Variants in KIF5C observed in about 807,000 individuals in gnomAD.
KIF5C encodes kinesin heavy chain isoform 5C.
Under a neutral mutation model 125.2 loss-of-function variants are expected in KIF5C, and 18 were observed. The ratio of observed to expected loss-of-function variants is 0.14; its 90% CI spans 0.10 to 0.21. KIF5C has a LOEUF of 0.21. Among genes scored for constraint, KIF5C ranks in the 10% least tolerant of loss-of-function variants. KIF5C has a pLI of 1.00. For synonymous variants in KIF5C, 405 were observed against 434.0 expected, an observed-to-expected ratio of 0.93 and a Z score of 0.83; for missense variants, 780 against 1,183.8, an observed-to-expected ratio of 0.66 and a Z score of 5.01.
intron 8 of KIF5C, 52 bp downstream of exon 8, chr2:148,947,075 C>A (rs967694246): frequency 3.2e-5 from 50 of 1,552,572 alleles, no homozygotes; most frequent in Non-Finnish European, 4.3e-5. Flanking sequence ...TTATTTGCTT[C>A]ATTGTGCAAT....
chr2:148,922,201 A>G lies in KIF5C; in HGVS notation c.191A>G (p.Asn64Ser), dbSNP rs765671059. Residue 64 changes from asparagine to serine, a missense_variant, in exon 2 of 26, where the codon AAT (asparagine) becomes AGT (serine). Physicochemically the swap from Asn to Ser is conservative, Grantham distance 46. Around this residue, in one of 2 missense-constraint regions of KIF5C, gnomAD observed 207 missense variants for 441.2 expected, o/e 0.47. Coordinates refer to ENST00000435030, the MANE Select transcript of KIF5C (RefSeq NM_004522.3). Reference protein sequence around the residue: ...PPNTTQEQVYNACAKQIVKDV... With the variant: ...PPNTTQEQVYSACAKQIVKDV... ...AACACGACCCAAGAGCAGGTTTACA[A>G]TGCATGTGCGAAGCAAATTGTCAAA... The G allele has an allele frequency of 6.2e-6, 10 of 1,612,796 alleles. No individual in the cohort carries two copies. The highest frequency in any genetic ancestry group is 8.5e-6 in the Non-Finnish European group (10 of 1,179,284).
In KIF5C at chr2:148,875,393, G is replaced by A; in HGVS notation, c.-225G>A. On this transcript the variant is annotated 5_prime_UTR_variant, in exon 1 of 26. Transcript: ENST00000435030. The stretch of plus-strand genomic sequence containing the variant: ...GGCGGGGCAGGGCCAGGGCAGGCCG[G>A]TCTGCAGCCGGAGGGGCCGGAGCGG... The A allele has an allele frequency of 5.9e-6, 3 of 510,812 alleles. No individual in the cohort carries two copies. The allele number at this position is 510,812 out of a possible 1,614,324, so 31.6% of individuals were successfully genotyped here.
At chr2:149,001,902 G>A (rs1336842584) in intron 21 of KIF5C, among the ~76,000 whole-genome samples, 2 of 152,212 alleles carry the variant, frequency 1.3e-5, no homozygotes, top group South Asian at 4.1e-4. Flanking sequence ...CTGGTTGCTT[G>A]GGTCTGGCCC....
At position 148,991,203 on chromosome 2, in the gene KIF5C, G is replaced by T. The variant is rs1171500339; in HGVS notation, c.1905+5G>T. On this transcript the variant is annotated splice_donor_5th_base_variant and intron_variant, in intron 16 of 25. Transcript: ENST00000435030. ...TGCCAGCTGCTCATCTCCCAGGTGG[G>T]CCCTTCCCTTCCCCATCATTGCACT... The T allele has an allele frequency of 1.9e-6, 3 of 1,612,136 alleles. No homozygotes were observed. The highest frequency in any genetic ancestry group is 2.5e-6 in the Non-Finnish European group (3 of 1,179,234).
chr2:148,949,835 G>C lies in KIF5C; in HGVS notation c.715-4G>C. 17 of 1,613,348 alleles carry C rather than the reference G, an allele frequency of 1.1e-5. No homozygotes were observed. Among genetic ancestry groups the C allele is most frequent in the Non-Finnish European group, 1.4e-5 (16 of 1,179,676 alleles). On this transcript the variant is annotated splice_region_variant and splice_polypyrimidine_tract_variant and intron_variant, in intron 8 of 25. Coordinates refer to ENST00000435030, the MANE Select transcript of KIF5C (RefSeq NM_004522.3). ...TGCTCACTGCTTTCTTTTCTCTCTG[G>C]TAGGTCAGCAAAACTGGTGCCGAGG...
intron 17 of KIF5C, among the ~76,000 whole-genome samples, chr2:148,994,907 T>C (rs1681624036): frequency 6.6e-6 from 1 of 152,102 alleles, no homozygotes; most frequent in African/African-American, 2.4e-5. Context: ...TTCACCATAT[T>C]GGCCAGGCTG....
intron 11 of KIF5C, among the ~76,000 whole-genome samples, chr2:148,969,811 G>T (rs1680852177): frequency 6.6e-6 from 1 of 152,138 alleles, no homozygotes; most frequent in Non-Finnish European, 1.5e-5. Context: ...CCTAGTGTCA[G>T]GTCTTGCCTA....
rs759451844 is a variant in KIF5C at position 148,981,342 on chromosome 2, C to G, written c.1363-13C>G. The G allele has an allele frequency of 6.2e-7, 1 of 1,600,332 alleles. No individual in the cohort carries two copies. Among genetic ancestry groups the G allele is most frequent in the Non-Finnish European group, 8.5e-7 (1 of 1,173,786 alleles). ...ATTAGATTCACAAGTTCCATGCCAT[C>G]TCATTTCCCCAGCTTTTAGCTTCCA... is the stretch of plus-strand genomic sequence containing the variant. On this transcript the variant is annotated splice_polypyrimidine_tract_variant and intron_variant, in intron 13 of 25. Coordinates refer to ENST00000435030, the MANE Select transcript of KIF5C (RefSeq NM_004522.3).
intron 11 of KIF5C, among the ~76,000 whole-genome samples, chr2:148,968,048 T>G (rs182437348): frequency 6.6e-6 from 1 of 152,324 alleles, no homozygotes; most frequent in East Asian, 1.9e-4. Context: ...CTTTGAATTT[T>G]GCACTTGAAA....
chr2:148,973,778 TG>T (rs1680984747), intron 12 of KIF5C, among the ~76,000 whole-genome samples: 1 of 152,184 alleles, frequency 6.6e-6, no homozygotes, highest in Non-Finnish European at 1.5e-5. Context: ...GAAATTGGAC[TG>T]GGCTGATTAC....
At chr2:148,963,496 T>C (rs55948786) in intron 11 of KIF5C, among the ~76,000 whole-genome samples, 21,324 of 152,186 alleles carry the variant, frequency 0.14, 2,294 homozygotes, top group African/African-American at 0.3. Flanking sequence ...GACCTAGTAG[T>C]CTAAATAACA....
intron 3 of KIF5C, among the ~76,000 whole-genome samples, chr2:148,932,856 T>G (rs892323515): frequency 6.6e-6 from 1 of 152,094 alleles, no homozygotes; most frequent in South Asian, 2.1e-4. Context: ...CTGCCCTGCT[T>G]GGGAGGTCAA....
In KIF5C at chr2:148,884,395, G is replaced by T. The variant is rs939284312; in HGVS notation, c.126+8652G>T. 2 of 152,208 alleles carry T rather than the reference G, an allele frequency of 1.3e-5. 1 individual carries two copies. The highest frequency in any genetic ancestry group is 1.3e-4 in the Admixed American group (2 of 15,284). The allele number at this position is 152,208 out of a possible 1,614,324, so 9.4% of individuals were successfully genotyped here. On this transcript the variant is annotated intron_variant, in intron 1 of 25. Coordinates refer to ENST00000435030, the MANE Select transcript of KIF5C (RefSeq NM_004522.3). ...AAAGGAAAAAAACAGCCCCCTCAGA[G>T]AAGCCTTAGACAGGACTGCTTTTTC...
At chr2:148,955,178 G>A (rs541384221) in intron 10 of KIF5C, among the ~76,000 whole-genome samples, 30 of 152,274 alleles carry the variant, frequency 2.0e-4, no homozygotes, top group African/African-American at 7.0e-4. Context: ...TTCAGAAGAA[G>A]GTTTGGGTGT....
intron 1 of KIF5C, among the ~76,000 whole-genome samples, chr2:148,903,168 G>A (rs529077330): frequency 6.6e-6 from 1 of 152,186 alleles, no homozygotes; most frequent in Non-Finnish European, 1.5e-5. Flanking sequence ...AGATTTCATG[G>A]TATTCCATAC....
intron 1 of KIF5C, chr2:148,883,774 AC>A (rs2105037934): frequency 6.6e-6 from 1 of 152,076 alleles, no homozygotes; most frequent in Admixed American, 6.6e-5. Context: ...CTACTGATGG[AC>A]CTTTGTTTTT....
At chr2:148,967,538 G>A (rs1479768954) in intron 11 of KIF5C, among the ~76,000 whole-genome samples, 1 of 152,192 alleles carries the variant, frequency 6.6e-6, no homozygotes, top group African/African-American at 2.4e-5. Flanking sequence ...TACATTGTCT[G>A]ATGAAGACTG....
intron 15 of KIF5C, among the ~76,000 whole-genome samples, chr2:148,990,101 T>G (rs1195328730): frequency 6.6e-6 from 1 of 152,236 alleles, no homozygotes; most frequent in African/African-American, 2.4e-5. Context: ...CTCTGGTGGC[T>G]AAACAAAATA....
At chr2:148,982,619 A>C (rs529642394) in intron 14 of KIF5C, among the ~76,000 whole-genome samples, 47 of 152,374 alleles carry the variant, frequency 3.1e-4, no homozygotes, top group Middle Eastern at 3.4e-3. Flanking sequence ...TTTTAAAAAC[A>C]AGATGACATA....
Sources: allele counts gnomAD v4.1 joint callset (sites outside exome capture counted in the v4.1 genomes callset), GRCh38; gene constraint gnomAD v4.1.1; regional missense constraint gnomAD v4.1.1; transcripts MANE v1.5; gene names NCBI Gene and HGNC (gene_info 2026-07-23, HGNC 2026-07-21).